NFKBIZ: variants seen among roughly 807,000 people sequenced by gnomAD.
The protein encoded by NFKBIZ is NF-kappa-B inhibitor zeta.
In NFKBIZ, 19 loss-of-function variants were observed where a neutral mutation model predicts 76.8. That is an observed-to-expected ratio of 0.25 (90% CI 0.17 to 0.36). The LOEUF is 0.36. NFKBIZ is among the 10% of genes least tolerant of loss of function. The pLI is 1.00. For synonymous variants in NFKBIZ, 368 were observed against 354.8 expected (o/e 1.04, Z -0.42); for missense variants, 829 against 910.9 (o/e 0.91, Z 1.16).
intron 2 of NFKBIZ, among the ~76,000 whole-genome samples, chr3:101,833,306 C>T (rs573808223): frequency 2.6e-5 from 4 of 152,254 alleles, no homozygotes; most frequent in African/African-American, 9.6e-5. Context: ...GAACTGAGGA[C>T]ACTTTGAAGA....
intron 11 of NFKBIZ, among the ~76,000 whole-genome samples, chr3:101,858,786 C>T (rs930846501): frequency 2.0e-5 from 3 of 152,104 alleles, no homozygotes; most frequent in African/African-American, 7.2e-5. Flanking sequence ...TCTGAATGAG[C>T]CGGGATCTTT....
rs1943105990 is a variant in NFKBIZ at position 101,859,570 on chromosome 3, A to G, written c.*199A>G. The G allele has an allele frequency of 2.4e-6, 1 of 409,048 alleles. No individual in the cohort carries two copies. Among genetic ancestry groups the G allele is most frequent in the Admixed American group, 3.6e-5 (1 of 27,442 alleles). The allele number at this position is 409,048 out of a possible 1,614,324, so 25.3% of individuals were successfully genotyped here. On this transcript the variant is annotated 3_prime_UTR_variant, in exon 12 of 12. Transcript: ENST00000326172. ...CTAATTTCTCTTGGCAGATTTGCAT[A>G]TTTCATACCCAGGTATCTGGGATCT...
chr3:101,835,331 G>T (rs957792473), intron 2 of NFKBIZ, among the ~76,000 whole-genome samples: 4 of 152,222 alleles, frequency 2.6e-5, no homozygotes, highest in Non-Finnish European at 4.4e-5. Flanking sequence ...TTGGAGGCAA[G>T]AATTAGTGTG....
chr3:101,838,234 T>C (rs1236902361), intron 2 of NFKBIZ, among the ~76,000 whole-genome samples: 1 of 152,214 alleles, frequency 6.6e-6, no homozygotes, highest in East Asian at 1.9e-4. Context: ...CTAGGATGTG[T>C]CAAGTACTTG....
upstream of NFKBIZ, chr3:101,848,902 T>C (rs1034061093): frequency 6.6e-6 from 1 of 152,236 alleles, no homozygotes; most frequent in Admixed American, 6.5e-5. Flanking sequence ...TTCGGGATGT[T>C]GCCTAAAACC....
At chr3:101,856,417 A>G (rs1943050770) in intron 9 of NFKBIZ, among the ~76,000 whole-genome samples, 1 of 152,356 alleles carries the variant, frequency 6.6e-6, no homozygotes, top group South Asian at 2.1e-4. Context: ...ATGAATTATT[A>G]TCCAAAAGGT....
chr3:101,849,895 C>T lies in NFKBIZ; in HGVS notation c.267C>T (p.Gly89=), dbSNP rs1576813641. The change falls in exon 1 of 12, where the codon GGC becomes GGT. Residue 89 remains glycine (G), a synonymous_variant. Transcript: ENST00000326172. The part of the protein sequence containing the change: ...CGAVESRSRG[G]ARAERQPVEP... Reference sequence around the variant, plus strand: ...CCGTGGAGTCCCGGTCGAGAGGCGGCGCCCGCGCCGAGCGCCAGCCAGGTA... The same window carrying T: ...CCGTGGAGTCCCGGTCGAGAGGCGGTGCCCGCGCCGAGCGCCAGCCAGGTA... 1.4e-6 allele frequency: 2 copies of T among 1,429,496 alleles called. No homozygotes were observed. Among genetic ancestry groups the T allele is most frequent in the East Asian group, 3.0e-5 (1 of 33,040 alleles). 88.6% of individuals were successfully genotyped at this position (1,429,496 alleles called of 1,614,324 possible).
At chr3:101,839,131 G>A (rs143300121) in intron 2 of NFKBIZ, among the ~76,000 whole-genome samples, 3 of 152,042 alleles carry the variant, frequency 2.0e-5, no homozygotes, top group Admixed American at 6.5e-5. Flanking sequence ...TTTATAACTA[G>A]TCTTTCTGTG....
At chr3:101,834,873 C>T (rs945298686) in intron 2 of NFKBIZ, among the ~76,000 whole-genome samples, 1 of 152,166 alleles carries the variant, frequency 6.6e-6, no homozygotes, top group Non-Finnish European at 1.5e-5. Context: ...GAATGGCTCC[C>T]CATCACATCT....
chr3:101,840,510 T>G (rs775993104), intron 2 of NFKBIZ, among the ~76,000 whole-genome samples: 1 of 152,242 alleles, frequency 6.6e-6, no homozygotes, highest in South Asian at 2.1e-4. Context: ...ATATGCATTT[T>G]ATAGTATGTG....
At position 101,849,769 on chromosome 3, in the gene NFKBIZ, C is replaced by T. The variant is rs1942918865; in HGVS notation, c.141C>T (p.Ala47=). Residue 47 remains alanine (A), a synonymous_variant, in exon 1 of 12, where the codon GCC becomes GCT. Transcript: ENST00000326172. ...CGCCGCCCGCCGCCGCCCCGGGCGC[C>T]TGCGACGCCAGCTGCTCGGTCTTGG... ...GASPPAAAPG[A]CDASCSVLGP... 2.7e-6 allele frequency: 4 copies of T among 1,455,242 alleles called. No individual in the cohort carries two copies. Among genetic ancestry groups the T allele is most frequent in the South Asian group, 1.3e-5 (1 of 75,484 alleles). 90.1% of individuals were successfully genotyped at this position (1,455,242 alleles called of 1,614,324 possible).
intron 2 of NFKBIZ, among the ~76,000 whole-genome samples, chr3:101,835,792 A>G (rs1021511027): frequency 5.3e-5 from 8 of 152,192 alleles, no homozygotes; most frequent in Non-Finnish European, 1.2e-4. Context: ...TCAGTCCATA[A>G]CAGATAGGTT....
intron 9 of NFKBIZ, among the ~76,000 whole-genome samples, chr3:101,856,435 G>A (rs1344277937): frequency 1.3e-5 from 2 of 152,134 alleles, no homozygotes; most frequent in Non-Finnish European, 2.9e-5. Context: ...GGTCATTTAG[G>A]TATAAAATAA....
intron 11 of NFKBIZ, chr3:101,858,093 T>C (rs1943077409): frequency 1.0e-6 from 1 of 961,036 alleles, no homozygotes; most frequent in Non-Finnish European, 1.2e-6. Flanking sequence ...GAACTTATTC[T>C]TTCAAGAACT....
chr3:101,845,870 T>A (rs1942843388), upstream of NFKBIZ, among the ~76,000 whole-genome samples: 1 of 152,236 alleles, frequency 6.6e-6, no homozygotes, highest in Non-Finnish European at 1.5e-5. Flanking sequence ...TCAGTATCTT[T>A]AGATGTAGAC....
rs1029992966 is a variant in NFKBIZ at position 101,849,548 on chromosome 3, C to A, written c.-81C>A. 4.9e-6 allele frequency: 6 copies of A among 1,231,784 alleles called. No homozygotes were observed. The highest frequency in any genetic ancestry group is 4.3e-5 in the Admixed American group (1 of 23,334). 76.3% of individuals were successfully genotyped at this position (1,231,784 alleles called of 1,614,324 possible). A position where few individuals can be genotyped will look rare whatever the true frequency, so the allele number is the denominator to read the frequency against. ...CGCGCCGTCCGCCCGCCGACAGCTC[C>A]CTGAGCCAGCCCGGGAGGCAGCCGC... On this transcript the variant is annotated 5_prime_UTR_variant, in exon 1 of 12. Coordinates refer to ENST00000326172, the MANE Select transcript of NFKBIZ (RefSeq NM_031419.4).
rs1277549653 is a variant in NFKBIZ at position 101,849,715 on chromosome 3, G to A, written c.87G>A (p.Pro29=). 3 of 1,437,114 alleles carry A rather than the reference G, an allele frequency of 2.1e-6. No homozygotes were observed. The highest frequency in any genetic ancestry group is 1.8e-6 in the Non-Finnish European group (2 of 1,100,906). 89.0% of individuals were successfully genotyped at this position (1,437,114 alleles called of 1,614,324 possible). A position where few individuals can be genotyped will look rare whatever the true frequency, so the allele number is the denominator to read the frequency against. ...AAGGCGLMTS[P]LNLSYFYGAS... ...GCGGCTGCGGCCTCATGACCAGCCC[G>A]CTCAACCTGAGCTACTTCTACGGCG... Residue 29 remains proline, a synonymous_variant, in exon 1 of 12, where the codon CCG becomes CCA. Transcript: ENST00000326172.
intron 2 of NFKBIZ, among the ~76,000 whole-genome samples, chr3:101,836,474 T>G (rs966432713): frequency 6.6e-6 from 1 of 152,230 alleles, no homozygotes; most frequent in African/African-American, 2.4e-5. Flanking sequence ...ATTGTCTGTC[T>G]TTCCCAGTAG....
chr3:101,855,316 CTT>C, intron 7 of NFKBIZ, 77 bp from the exon 8 acceptor site: 2 of 1,605,936 alleles, frequency 1.2e-6, no homozygotes, highest in South Asian at 2.2e-5. Context: ...TTTGAGTTAA[CTT>C]ATTCATTTCT....
Sources: gnomAD v4.1 joint callset for allele counts (sites outside exome capture counted in the v4.1 genomes callset) on GRCh38, gnomAD v4.1.1 for gene constraint, MANE v1.5 for transcripts, NCBI Gene and HGNC (gene_info 2026-07-23, HGNC 2026-07-21) for gene names.